The following GABRG3 variants were observed in gnomAD, a reference collection of about 807,000 sequenced individuals.
GABRG3 encodes gamma-aminobutyric acid receptor subunit gamma-3.
A neutral mutation model predicts 48.8 loss-of-function variants in GABRG3; 25 were observed. That is an observed-to-expected ratio of 0.51 (90% CI 0.37 to 0.72). GABRG3 has a LOEUF of 0.72. Ranked by LOEUF, GABRG3 falls within the 30% of genes least tolerant of loss-of-function variation. The pLI, the probability that GABRG3 is intolerant of heterozygous loss-of-function variation, is 0.00. For synonymous variants in GABRG3, 227 were observed against 217.6 expected (o/e 1.04, Z -0.38); for missense variants, 394 against 577.9 (o/e 0.68, Z 3.26).
chr15:27,421,497 T>TG, intron 5 of GABRG3, among the ~76,000 whole-genome samples: 1 of 152,152 alleles, frequency 6.6e-6, no homozygotes. Flanking sequence ...GGGAGTGGGC[T>TG]ATAAATCCAC....
At chr15:27,248,902 C>A (rs1566979315) in intron 3 of GABRG3, among the ~76,000 whole-genome samples, 1 of 151,228 alleles carries the variant, frequency 6.6e-6, no homozygotes, top group Non-Finnish European at 1.5e-5. Flanking sequence ...TGGGGCTGTA[C>A]CATGAACGGG....
At chr15:27,066,176 T>A (rs1004315682) in intron 3 of GABRG3, among the ~76,000 whole-genome samples, 6 of 152,238 alleles carry the variant, frequency 3.9e-5, no homozygotes, top group African/African-American at 1.2e-4. Flanking sequence ...CTCCTTTTTT[T>A]CCTAAGCCCT....
chr15:27,155,218 G>C (rs7179221), intron 3 of GABRG3, among the ~76,000 whole-genome samples: 4,245 of 152,102 alleles, frequency 0.028, 223 homozygotes, highest in African/African-American at 0.098. Context: ...AAATTTTTTA[G>C]TGCTAAGATT....
intron 3 of GABRG3, among the ~76,000 whole-genome samples, chr15:27,326,249 AT>A (rs903602738): frequency 6.6e-6 from 1 of 152,110 alleles, no homozygotes; most frequent in Non-Finnish European, 1.5e-5. Context: ...TCTTTGTTGT[AT>A]TTTATTTCTT....
intron 5 of GABRG3, 130 bp from the exon 6 acceptor site, chr15:27,480,520 T>C (rs1392123953): frequency 3.6e-6 from 3 of 824,308 alleles, no homozygotes; most frequent in African/African-American, 1.7e-5. Flanking sequence ...TGGAGGAAAA[T>C]TGAGAGTGCA....
chr15:27,131,900 A>G (rs1897922595), intron 3 of GABRG3, among the ~76,000 whole-genome samples: 2 of 152,002 alleles, frequency 1.3e-5, no homozygotes, highest in African/African-American at 4.8e-5. Flanking sequence ...GAGCATTTTA[A>G]AAATATATAT....
chr15:27,004,071 G>T (rs546423123), intron 2 of GABRG3, among the ~76,000 whole-genome samples: 1 of 149,280 alleles, frequency 6.7e-6, no homozygotes, highest in South Asian at 2.1e-4. Flanking sequence ...CTGACCCGGC[G>T]GGGGGCTGAC....
intron 3 of GABRG3, among the ~76,000 whole-genome samples, chr15:27,155,258 TGA>T (rs1338863643): frequency 1.2e-4 from 19 of 152,330 alleles, no homozygotes; most frequent in Non-Finnish European, 2.5e-4. Flanking sequence ...TGTCTTCTAC[TGA>T]GAGTTTGTTT....
intron 5 of GABRG3, among the ~76,000 whole-genome samples, chr15:27,398,202 G>A (rs961315876): frequency 3.3e-5 from 5 of 152,106 alleles, no homozygotes; most frequent in African/African-American, 1.2e-4. Context: ...TTATAAAAAA[G>A]CCTGGGAATG....
intron 3 of GABRG3, among the ~76,000 whole-genome samples, chr15:27,058,229 T>G (rs569940923): frequency 5.3e-4 from 80 of 152,324 alleles, no homozygotes; most frequent in African/African-American, 1.7e-3. Context: ...CGCTGATTTC[T>G]CCAAGGAAGT....
intron 5 of GABRG3, among the ~76,000 whole-genome samples, chr15:27,424,712 C>T (rs886748036): frequency 6.6e-6 from 1 of 152,160 alleles, no homozygotes. Flanking sequence ...TGCCACCACA[C>T]CTGGCTAATT....
At chr15:27,346,485 T>C (rs375255596) in intron 5 of GABRG3, among the ~76,000 whole-genome samples, 127 of 152,328 alleles carry the variant, frequency 8.3e-4, no homozygotes, top group African/African-American at 3.0e-3. Context: ...TTTTTGTCTG[T>C]CATTAATTTT....
At chr15:27,263,964 G>A (rs12912065) in intron 3 of GABRG3, among the ~76,000 whole-genome samples, 1 of 150,684 alleles carries the variant, frequency 6.6e-6, no homozygotes, top group African/African-American at 2.4e-5. Flanking sequence ...GAAAAGTGCT[G>A]GAAAAGAGAA....
At chr15:26,985,789 G>A (rs760047923) in intron 2 of GABRG3, among the ~76,000 whole-genome samples, 2 of 152,202 alleles carry the variant, frequency 1.3e-5, no homozygotes, top group Admixed American at 6.5e-5. Context: ...AGAACCAGAT[G>A]TATGATTAAG....
chr15:27,311,410 C>T (rs1290658189), intron 3 of GABRG3, among the ~76,000 whole-genome samples: 9 of 152,096 alleles, frequency 5.9e-5, no homozygotes, highest in Admixed American at 5.9e-4. Context: ...CTGGGAGATA[C>T]CTGGAGGACG....
chr15:27,173,502 C>G (rs1270843211), intron 3 of GABRG3, among the ~76,000 whole-genome samples: 1 of 152,094 alleles, frequency 6.6e-6, no homozygotes, highest in Non-Finnish European at 1.5e-5. Context: ...GTTTTCTTTT[C>G]ACCTGAACCT....
At chr15:27,281,474 A>ATTTT (rs200781979) in intron 3 of GABRG3, among the ~76,000 whole-genome samples, 6 of 143,452 alleles carry the variant, frequency 4.2e-5, no homozygotes, top group African/African-American at 1.5e-4. Flanking sequence ...CCTGTGGTTA[A>ATTTT]TTTTTTTTTT....
intron 3 of GABRG3, among the ~76,000 whole-genome samples, chr15:27,172,863 G>A (rs564794676): frequency 2.6e-5 from 4 of 152,078 alleles, no homozygotes; most frequent in Non-Finnish European, 5.9e-5. Context: ...CAGCGTCATC[G>A]TCCAGGTCTG....
intron 6 of GABRG3, among the ~76,000 whole-genome samples, chr15:27,511,353 G>A (rs919408422): frequency 7.2e-5 from 11 of 152,166 alleles, no homozygotes; most frequent in Non-Finnish European, 1.0e-4. Flanking sequence ...TCCCTGAGCC[G>A]TGTCCCCTCT....
Sources: allele counts gnomAD v4.1 joint callset (sites outside exome capture counted in the v4.1 genomes callset), GRCh38; gene constraint gnomAD v4.1.1; transcripts MANE v1.5; gene names NCBI Gene and HGNC (gene_info 2026-07-23, HGNC 2026-07-21).